MTAP: variants seen among roughly 807,000 people sequenced by gnomAD.
The protein encoded by MTAP is methylthioadenosine phosphorylase, also known as S-methyl-5'-thioadenosine phosphorylase.
In MTAP, 33 loss-of-function variants were observed where a neutral mutation model predicts 33.6. The observed-to-expected ratio is 0.98, with a 90% confidence interval of 0.74 to 1.31. The LOEUF (loss-of-function observed/expected upper bound fraction) is 1.31. Among genes scored for constraint, MTAP ranks in the 40% most tolerant of loss-of-function variants. The pLI is 0.00. For missense variants in MTAP, 367 were observed against 360.0 expected, an observed-to-expected ratio of 1.02 and a Z score of -0.16; for synonymous variants, 148 against 125.7, an observed-to-expected ratio of 1.18 and a Z score of -1.19.
In MTAP at chr9:21,922,626, A is replaced by T. The variant is rs1303864743; in HGVS notation, c.148-8382A>T. ...GCCACATGGCTTGGATACGTTCCCCAGTGGTAAGAAATCTCTATGCCTCTC... is the reference window on the plus strand; with the variant it reads ...GCCACATGGCTTGGATACGTTCCCCTGTGGTAAGAAATCTCTATGCCTCTC... On this transcript the variant is annotated intron_variant, in intron 1 of 1. Coordinates refer to the MTAP transcript ENST00000577563. The surrounding 1 kb of genome is among the most constrained non-coding windows in gnomAD (Gnocchi z 4.8). Among the ~76,000 whole-genome samples, 1 of 152,154 alleles carries T rather than the reference A, an allele frequency of 6.6e-6. No individual in the cohort carries two copies. Among genetic ancestry groups the T allele is most frequent in the Non-Finnish European group, 1.5e-5 (1 of 68,028 alleles).
rs758424607 is a variant in MTAP at position 21,858,299 on chromosome 9, C to T, written c.691-1004C>T. ...CATTATACATCTGAGATATTTTCTC[C>T]GATACCATATTGAAATCTGTATTAG... On this transcript the variant is annotated intron_variant, in intron 6 of 7. Transcript: ENST00000644715. Among the ~76,000 whole-genome samples the T allele has an allele frequency of 4.6e-5, 7 of 152,086 alleles. No individual in the cohort carries two copies. In the South Asian group the frequency reaches 6.2e-4, roughly 13 times the overall value.
At position 21,863,753 on chromosome 9, in the gene MTAP, C is replaced by T. The variant is rs1235492287; in HGVS notation, c.*1739C>T. The T allele has an allele frequency of 2.0e-6, 2 of 985,632 alleles. No individual in the cohort carries two copies. The highest frequency in any genetic ancestry group is 1.7e-5 in the African/African-American group (1 of 57,196). 61.1% of individuals were successfully genotyped at this position (985,632 alleles called of 1,614,324 possible). ...ATACTTCAGGATCAAGATACAGAAC[C>T]TTTTATTTAAAGAGTTTGTAAAGTC... On this transcript the variant is annotated 3_prime_UTR_variant, in exon 8 of 8. Coordinates refer to ENST00000644715, the MANE Select transcript of MTAP (RefSeq NM_002451.4).
In MTAP at chr9:21,897,471, T is replaced by C. The variant is rs537054475; in HGVS notation, c.148-33537T>C. Among the ~76,000 whole-genome samples the C allele has an allele frequency of 7.9e-5, 12 of 152,294 alleles. No homozygotes were observed. The South Asian group carries it at 1.2e-3, about 16-fold the overall frequency. On this transcript the variant is annotated intron_variant, in intron 1 of 1. Transcript: ENST00000577563. ...TGTTTGCAGATGACATGATTGTATA[T>C]TTAGAAAACCCCATTGTCTCAGCCC... is the stretch of plus-strand genomic sequence containing the variant.
At chr9:21,930,113 A>G in intron 1 of MTAP, 1 of 467,000 alleles carries the variant, frequency 2.1e-6, no homozygotes, top group South Asian at 1.6e-5. Context: ...GCAAATTGCC[A>G]ACCTCAGCTC....
chr9:21,937,683 A>G (rs1410305838), downstream of MTAP: 3 of 152,216 alleles, frequency 2.0e-5, no homozygotes, highest in African/African-American at 7.2e-5. Flanking sequence ...TTGTGTCTTC[A>G]CAGTGACTTT....
chr9:21,886,662 T>C (rs996542691), intron 1 of MTAP, among the ~76,000 whole-genome samples: 1 of 152,172 alleles, frequency 6.6e-6, no homozygotes, highest in Non-Finnish European at 1.5e-5. Context: ...TGTGGCTTGC[T>C]AATTATCCAG....
At chr9:21,842,259 A>C (rs1019707907) in intron 5 of MTAP, among the ~76,000 whole-genome samples, 3 of 152,182 alleles carry the variant, frequency 2.0e-5, no homozygotes, top group Admixed American at 1.3e-4. Context: ...TTTAAAAGAA[A>C]TTTGGGTTTA....
intron 1 of MTAP, among the ~76,000 whole-genome samples, chr9:21,929,003 G>A (rs548784169): frequency 1.3e-5 from 2 of 152,140 alleles, no homozygotes; most frequent in East Asian, 3.9e-4. Context: ...AACAATCCCA[G>A]CCTCTGTATC....
Position 21,863,218 on chromosome 9 carries a change from A to G in MTAP, c.*1204A>G, listed in dbSNP as rs562560093. 2.1e-6 allele frequency: 2 copies of G among 968,826 alleles called. No individual in the cohort carries two copies. The highest frequency in any genetic ancestry group is 2.5e-6 in the Non-Finnish European group (2 of 814,970). 60.0% of individuals were successfully genotyped at this position (968,826 alleles called of 1,614,324 possible). On this transcript the variant is annotated 3_prime_UTR_variant, in exon 8 of 8. Transcript: ENST00000644715. Reference sequence around the variant, plus strand: ...AAAGTAATGTTTGATTCTCCTTTTTATGAGTTAAATTATTTTATACGAGTT... The same window carrying G: ...AAAGTAATGTTTGATTCTCCTTTTTGTGAGTTAAATTATTTTATACGAGTT...
chr9:21,885,938 T>C (rs988061551), intron 1 of MTAP, among the ~76,000 whole-genome samples: 6 of 152,102 alleles, frequency 3.9e-5, no homozygotes, highest in African/African-American at 1.4e-4. Context: ...GTCTTTTTCA[T>C]ATAATGACTT....
At chr9:21,911,723 G>T (rs187197981) in intron 1 of MTAP, among the ~76,000 whole-genome samples, 2 of 152,104 alleles carry the variant, frequency 1.3e-5, no homozygotes, top group Admixed American at 6.5e-5. Context: ...AAAAGAACTA[G>T]AGAAGGAAGA....
At chr9:21,940,346 G>A (rs1055672151), downstream of MTAP, among the ~76,000 whole-genome samples, 2 of 152,136 alleles carry the variant, frequency 1.3e-5, no homozygotes, top group African/African-American at 4.8e-5. Flanking sequence ...AAGTGTAACG[G>A]GACTAGGCCT....
intron 1 of MTAP, chr9:21,803,273 C>A: frequency 3.8e-6 from 1 of 264,058 alleles, no homozygotes. Context: ...TTGTTGCCTG[C>A]GGCCCACGTG....
downstream of MTAP, chr9:21,932,144 A>T (rs1818970842): frequency 6.6e-6 from 1 of 152,176 alleles, no homozygotes; most frequent in South Asian, 2.1e-4. Context: ...CCTTTGCAAA[A>T]ATTATAACAG....
chr9:21,823,272 G>C (rs1479953087), intron 4 of MTAP, among the ~76,000 whole-genome samples: 1 of 151,506 alleles, frequency 6.6e-6, no homozygotes, highest in Admixed American at 6.6e-5. Flanking sequence ...GGTACCAGTT[G>C]TTCCTTTCCT....
chr9:21,813,808 T>A (rs1824410511), intron 1 of MTAP: 1 of 152,204 alleles, frequency 6.6e-6, no homozygotes, highest in South Asian at 2.1e-4. Flanking sequence ...CCTCATGACC[T>A]GTGGTGCTTC....
chr9:21,920,630 T>C (rs1405597933), intron 1 of MTAP, among the ~76,000 whole-genome samples: 1 of 152,234 alleles, frequency 6.6e-6, no homozygotes, highest in Non-Finnish European at 1.5e-5. Context: ...ATGGATATTT[T>C]CACCTTTCTG....
intron 4 of MTAP, among the ~76,000 whole-genome samples, chr9:21,835,913 A>T (rs978248979): frequency 1.3e-5 from 2 of 152,212 alleles, no homozygotes; most frequent in African/African-American, 4.8e-5. Context: ...TAGCTGGGCA[A>T]ACTATAAGAG....
chr9:21,940,133 C>A (rs1349701526), downstream of MTAP, among the ~76,000 whole-genome samples: 1 of 152,074 alleles, frequency 6.6e-6, no homozygotes, highest in African/African-American at 2.4e-5. Flanking sequence ...ATTTTAAGAA[C>A]CTAATGAAGA....
Sources: gnomAD v4.1 joint callset for allele counts (sites outside exome capture counted in the v4.1 genomes callset) on GRCh38, gnomAD v4.1.1 for gene constraint, Gnocchi (gnomAD v3.1) non-coding constraint, MANE v1.5 for transcripts, NCBI Gene and HGNC (gene_info 2026-07-23, HGNC 2026-07-21) for gene names.